Variants in SPAG16 observed in about 807,000 individuals in gnomAD.
SPAG16 encodes the protein sperm associated antigen 16.
A neutral mutation model predicts 80.4 loss-of-function variants in SPAG16; 86 were observed. The ratio of observed to expected loss-of-function variants is 1.07; its 90% CI spans 0.90 to 1.28. The LOEUF is 1.28. Ranked by LOEUF, SPAG16 falls within the 50% of genes most tolerant of loss-of-function variation. The probability of loss-of-function intolerance (pLI) is 0.00; values close to 1 mark genes in which losing one functional copy is unlikely to be tolerated. For missense variants in SPAG16, 870 were observed against 765.3 expected (o/e 1.14, Z -1.61); for synonymous variants, 294 against 265.9 (o/e 1.11, Z -1.03).
At chr2:213,992,821 C>T (rs1018141731) in intron 12 of SPAG16, among the ~76,000 whole-genome samples, 3 of 152,132 alleles carry the variant, frequency 2.0e-5, no homozygotes, top group African/African-American at 4.8e-5. Context: ...AAAACAAAGT[C>T]ATATAAAAGT....
intron 10 of SPAG16, among the ~76,000 whole-genome samples, chr2:213,523,273 A>G (rs888540087): frequency 1.3e-5 from 2 of 152,118 alleles, no homozygotes; most frequent in African/African-American, 4.8e-5. Flanking sequence ...CCATGTGAAG[A>G]AGGATGTGTT....
chr2:213,434,298 C>T (rs1238292108), intron 9 of SPAG16, among the ~76,000 whole-genome samples: 1 of 152,018 alleles, frequency 6.6e-6, no homozygotes, highest in Admixed American at 6.6e-5. Context: ...TCCTATCTCT[C>T]AGCATATAGA....
At chr2:213,825,701 C>CTTTTTTTTTTTTTTTTTTTT (rs55777958) in intron 10 of SPAG16, among the ~76,000 whole-genome samples, 4 of 109,794 alleles carry the variant, frequency 3.6e-5, no homozygotes, top group Admixed American at 9.2e-5. Flanking sequence ...TTCTTTCTTT[C>CTTTTTTTTTTTTTTTTTTTT]TTTTTTTTTT....
At chr2:213,614,603 T>A (rs1466696575) in intron 10 of SPAG16, among the ~76,000 whole-genome samples, 1 of 152,208 alleles carries the variant, frequency 6.6e-6, no homozygotes, top group Non-Finnish European at 1.5e-5. Flanking sequence ...TCTTGAAAAC[T>A]GGGTATTCCA....
intron 10 of SPAG16, among the ~76,000 whole-genome samples, chr2:213,494,699 A>G (rs986009194): frequency 3.3e-5 from 5 of 152,220 alleles, no homozygotes; most frequent in Non-Finnish European, 7.3e-5. Context: ...TGCTTTAAAT[A>G]CAATGATGTC....
In SPAG16 at chr2:214,217,728, T is replaced by C. The variant is rs530221078; in HGVS notation, c.1720+68462T>C. ...AAACTTTCATGTTCTCATCTGAAAA[T>C]GAGGATGGTGAGAGCAGCTTTATAA... On this transcript the variant is annotated intron_variant, in intron 15 of 15. Coordinates refer to ENST00000331683, the MANE Select transcript of SPAG16 (RefSeq NM_024532.5). Among the ~76,000 whole-genome samples the C allele has an allele frequency of 3.3e-5, 5 of 152,248 alleles. No individual in the cohort carries two copies. In the South Asian group the frequency reaches 8.3e-4, roughly 25 times the overall value.
chr2:213,991,193 C>A (rs912797171), intron 12 of SPAG16, among the ~76,000 whole-genome samples: 1 of 152,030 alleles, frequency 6.6e-6, no homozygotes, highest in African/African-American at 2.4e-5. Flanking sequence ...TGATGTTCCC[C>A]TCCCTGTGTC....
At chr2:213,691,931 G>A (rs1432943372) in intron 10 of SPAG16, among the ~76,000 whole-genome samples, 1 of 152,078 alleles carries the variant, frequency 6.6e-6, no homozygotes, top group Non-Finnish European at 1.5e-5. Context: ...ATCCTAAAAA[G>A]TTAAACAAGA....
chr2:213,381,990 C>T (rs546946267), intron 9 of SPAG16, among the ~76,000 whole-genome samples: 8 of 152,222 alleles, frequency 5.3e-5, no homozygotes. Context: ...CAGTGACTGT[C>T]CACTTATAGC....
At chr2:213,729,375 G>T (rs1475390901) in intron 10 of SPAG16, among the ~76,000 whole-genome samples, 2 of 152,114 alleles carry the variant, frequency 1.3e-5, no homozygotes, top group East Asian at 3.9e-4. Flanking sequence ...CTTTTAGATT[G>T]CTCACCTTAC....
intron 10 of SPAG16, among the ~76,000 whole-genome samples, chr2:213,631,326 CAT>C (rs1199526038): frequency 2.0e-5 from 3 of 152,144 alleles, no homozygotes; most frequent in Admixed American, 6.5e-5. Flanking sequence ...CGGTGGTAAA[CAT>C]ATGTTAGTCT....
At chr2:214,211,308 G>T (rs944161342) in intron 15 of SPAG16, among the ~76,000 whole-genome samples, 1 of 152,148 alleles carries the variant, frequency 6.6e-6, no homozygotes, top group East Asian at 1.9e-4. Flanking sequence ...TTTAGTGTTT[G>T]TTGTTGTTCA....
At chr2:213,333,768 A>G (rs567872418) in intron 5 of SPAG16, among the ~76,000 whole-genome samples, 1 of 152,306 alleles carries the variant, frequency 6.6e-6, no homozygotes, top group East Asian at 1.9e-4. Context: ...AGTCTCTTCA[A>G]TAAATGGTGC....
At chr2:214,014,295 G>A (rs2047477667) in intron 13 of SPAG16, among the ~76,000 whole-genome samples, 3 of 152,244 alleles carry the variant, frequency 2.0e-5, no homozygotes, top group South Asian at 2.1e-4. Flanking sequence ...ATCTCATTAA[G>A]CATTATTTCA....
intron 5 of SPAG16, among the ~76,000 whole-genome samples, chr2:213,319,804 A>G (rs1412682151): frequency 6.6e-6 from 1 of 152,014 alleles, no homozygotes; most frequent in East Asian, 1.9e-4. Flanking sequence ...TAGCAATAAT[A>G]CGAAATAACA....
chr2:213,362,482 C>T (rs2066036427), intron 7 of SPAG16, among the ~76,000 whole-genome samples: 1 of 152,138 alleles, frequency 6.6e-6, no homozygotes, highest in African/African-American at 2.4e-5. Flanking sequence ...AGTAACTTTA[C>T]AGTGGGGAAA....
chr2:213,770,534 TG>T lies in SPAG16; in HGVS notation c.1071-91949del, dbSNP rs2069185623. On this transcript the variant is annotated intron_variant, in intron 10 of 15. Coordinates refer to ENST00000331683, the MANE Select transcript of SPAG16 (RefSeq NM_024532.5). ...TTACATGGGGAAACATGTCCCATGG[TG>T]GTTTGCTGCACCTATCAATCCATCA... is the stretch of plus-strand genomic sequence containing the variant. Among the ~76,000 whole-genome samples, 3 of 152,146 alleles carry T rather than the reference TG, an allele frequency of 2.0e-5. No homozygotes were observed. The South Asian group carries it at 6.2e-4, about 32-fold the overall frequency.
chr2:213,946,363 T>TAGAA (rs2079469652), intron 12 of SPAG16, among the ~76,000 whole-genome samples: 50 of 152,196 alleles, frequency 3.3e-4, no homozygotes, highest in African/African-American at 9.2e-4. Context: ...TCTACCTGCC[T>TAGAA]CGGCCTCCCA....
chr2:213,432,218 C>T (rs898267449), intron 9 of SPAG16, among the ~76,000 whole-genome samples: 5 of 151,904 alleles, frequency 3.3e-5, no homozygotes, highest in African/African-American at 1.2e-4. Context: ...CCAAAGGTGG[C>T]AGAAGAAAGG....
Sources: allele counts gnomAD v4.1 joint callset (sites outside exome capture counted in the v4.1 genomes callset), GRCh38; gene constraint gnomAD v4.1.1; transcripts MANE v1.5; gene names NCBI Gene and HGNC (gene_info 2026-07-23, HGNC 2026-07-21).